The following CUX1 variants were observed in gnomAD, a reference collection of about 807,000 sequenced individuals.
CUX1 encodes the protein cut like homeobox 1.
In CUX1, 31 loss-of-function variants were observed where a neutral mutation model predicts 158.8. The observed-to-expected ratio is 0.20, with a 90% confidence interval of 0.15 to 0.26. The LOEUF (loss-of-function observed/expected upper bound fraction) is 0.26. Ranked by LOEUF, CUX1 falls within the 10% of genes least tolerant of loss-of-function variation. The pLI, the probability that CUX1 is intolerant of heterozygous loss-of-function variation, is 1.00. For missense variants in CUX1, 1,589 were observed against 2,014.6 expected (o/e 0.79, Z 4.04); for synonymous variants, 879 against 862.1 (o/e 1.02, Z -0.34).
chr7:102,046,118 G>A (rs1200307981), intron 3 of CUX1, among the ~76,000 whole-genome samples: 2 of 152,234 alleles, frequency 1.3e-5, no homozygotes, highest in Non-Finnish European at 2.9e-5. Flanking sequence ...ACCTGAGGCT[G>A]AAGAGACCAG....
chr7:102,038,912 C>T (rs773518902), intron 3 of CUX1, among the ~76,000 whole-genome samples: 14 of 151,882 alleles, frequency 9.2e-5, no homozygotes, highest in Non-Finnish European at 1.5e-4. Context: ...AACACTGCAC[C>T]CCAGCCTAGG....
At chr7:101,908,450 T>TTTTTTTTG (rs1803011428) in intron 1 of CUX1, among the ~76,000 whole-genome samples, 1 of 150,176 alleles carries the variant, frequency 6.7e-6, no homozygotes, top group South Asian at 2.1e-4. Context: ...CCAGCCTGTT[T>TTTTTTTTG]TTTGTTTGTT....
intron 1 of CUX1, among the ~76,000 whole-genome samples, chr7:101,871,038 C>T (rs374184931): frequency 1.3e-5 from 2 of 152,194 alleles, no homozygotes; most frequent in East Asian, 1.9e-4. Context: ...GCAGGGCGGA[C>T]ACCCCTGTTC....
chr7:102,065,696 G>A (rs569391188), intron 3 of CUX1, among the ~76,000 whole-genome samples: 101 of 152,272 alleles, frequency 6.6e-4, no homozygotes, highest in South Asian at 2.9e-3. Context: ...GAGAGTCTTG[G>A]TCCCTGTGAT....
intron 1 of CUX1, among the ~76,000 whole-genome samples, chr7:101,902,144 G>A (rs1446226016): frequency 2.0e-5 from 3 of 152,172 alleles, no homozygotes; most frequent in African/African-American, 7.2e-5. Context: ...AGAGGCATGG[G>A]GAAGAGATGG....
chr7:102,227,838 G>T (rs1326308012), intron 21 of CUX1, among the ~76,000 whole-genome samples, 169 bp downstream of exon 21: 2 of 152,166 alleles, frequency 1.3e-5, no homozygotes, highest in African/African-American at 4.8e-5. Flanking sequence ...CGTGCCGTCT[G>T]CAGGTCAGTC....
chr7:101,862,132 GC>G (rs1220000916), intron 1 of CUX1, among the ~76,000 whole-genome samples: 1 of 152,198 alleles, frequency 6.6e-6, no homozygotes, highest in East Asian at 1.9e-4. Flanking sequence ...ACTGTGCCCG[GC>G]CACCCCTAAT....
At chr7:102,281,524 G>A (rs1024972569) in intron 20 of CUX1, among the ~76,000 whole-genome samples, 3 of 152,012 alleles carry the variant, frequency 2.0e-5, no homozygotes, top group East Asian at 1.9e-4. Flanking sequence ...TTAGCTGGGC[G>A]TGGTGACGCA....
intron 20 of CUX1, among the ~76,000 whole-genome samples, chr7:102,216,629 A>ACAC (rs782747068): frequency 1.1e-4 from 9 of 79,056 alleles, no homozygotes; most frequent in Middle Eastern, 6.1e-3. Flanking sequence ...CCACACACAC[A>ACAC]CCCCCACACA....
chr7:102,141,379 AG>A (rs1834444312), intron 8 of CUX1, among the ~76,000 whole-genome samples: 2 of 152,218 alleles, frequency 1.3e-5, no homozygotes, highest in Non-Finnish European at 2.9e-5. Context: ...ACAAATCTAT[AG>A]AACTCTGAAG....
intron 4 of CUX1, among the ~76,000 whole-genome samples, chr7:102,078,967 G>T (rs782604506): frequency 2.0e-5 from 3 of 152,160 alleles, no homozygotes; most frequent in Non-Finnish European, 2.9e-5. Flanking sequence ...TCATTTTTGA[G>T]AACTGCTTTT....
intron 20 of CUX1, among the ~76,000 whole-genome samples, chr7:102,223,146 G>T (rs1320775161): frequency 2.6e-5 from 4 of 151,832 alleles, no homozygotes; most frequent in African/African-American, 9.7e-5. Context: ...GAAGTGGCCG[G>T]GCACAGTGGC....
chr7:102,150,925 A>G (rs781790817), intron 8 of CUX1, among the ~76,000 whole-genome samples: 2 of 152,230 alleles, frequency 1.3e-5, no homozygotes, highest in Non-Finnish European at 2.9e-5. Flanking sequence ...AGAGATCTAA[A>G]TTTTTATAAT....
chr7:102,248,436 C>A lies in CUX1; in HGVS notation c.3912C>A (p.Phe1304Leu). 6.3e-7 allele frequency: 1 copy of A among 1,598,462 alleles called. No homozygotes were observed. Among genetic ancestry groups the A allele is most frequent in the Non-Finnish European group, 8.5e-7 (1 of 1,176,156 alleles). ...GGTCTCGGATCCGCAGAGAACTGTT[C>A]ATTGAGGAAATTCAGGCCGGGAGTC... ...NYRSRIRRELFIEEIQAGSQG... is the reference protein window; with the variant it reads ...NYRSRIRRELLIEEIQAGSQG... Residue 1304 changes from phenylalanine (F) to leucine (L), a missense_variant, in exon 24 of 24, where the codon TTC becomes TTA. Physicochemically the swap from Phe to Leu is conservative, Grantham distance 22 (BLOSUM62 0). Coordinates refer to ENST00000292535, the MANE Select transcript of CUX1 (RefSeq NM_181552.4). The surrounding 1 kb of genome is among the most constrained non-coding windows in gnomAD (Gnocchi z 5.8).
chr7:102,274,744 C>T (rs560195280), intron 16 of CUX1, among the ~76,000 whole-genome samples: 40 of 152,354 alleles, frequency 2.6e-4, no homozygotes, highest in African/African-American at 8.9e-4. Flanking sequence ...GGTGGTCAGC[C>T]AGGCCTCACT....
chr7:102,137,110 G>T (rs1355995977), intron 8 of CUX1, among the ~76,000 whole-genome samples: 2 of 152,144 alleles, frequency 1.3e-5, no homozygotes, highest in Non-Finnish European at 2.9e-5. Context: ...TCATTCCTGT[G>T]TTCAGAAGGA....
chr7:102,119,231 C>T (rs1464357505), intron 8 of CUX1, among the ~76,000 whole-genome samples: 2 of 152,138 alleles, frequency 1.3e-5, no homozygotes, highest in African/African-American at 4.8e-5. Flanking sequence ...ATCACCACGA[C>T]GGACTGGGCC....
At chr7:102,061,091 A>G (rs1430393074) in intron 3 of CUX1, among the ~76,000 whole-genome samples, 1 of 146,342 alleles carries the variant, frequency 6.8e-6, no homozygotes, top group Non-Finnish European at 1.5e-5. Context: ...TGCCTGGCTA[A>G]TTTTTGTATT....
chr7:102,238,303 G>A (rs782640685), intron 22 of CUX1, among the ~76,000 whole-genome samples: 1 of 152,096 alleles, frequency 6.6e-6, no homozygotes, highest in East Asian at 1.9e-4. Flanking sequence ...GCCTGGCAAC[G>A]GGCGTCTTCC....
Sources: gnomAD v4.1 joint callset for allele counts (sites outside exome capture counted in the v4.1 genomes callset) on GRCh38, gnomAD v4.1.1 for gene constraint, Gnocchi (gnomAD v3.1) non-coding constraint, MANE v1.5 for transcripts, NCBI Gene and HGNC (gene_info 2026-07-23, HGNC 2026-07-21) for gene names.